The following BCAP29 variants were observed in gnomAD, a reference collection of about 807,000 sequenced individuals.
BCAP29 encodes B cell receptor associated protein 29, also known as B-cell receptor-associated protein 29.
Under a neutral mutation model 31.8 loss-of-function variants are expected in BCAP29, and 34 were observed. That is an observed-to-expected ratio of 1.07 (90% CI 0.81 to 1.42). The LOEUF (loss-of-function observed/expected upper bound fraction) is 1.42. BCAP29 is among the 40% of genes most tolerant of loss of function. The pLI, the probability that BCAP29 is intolerant of heterozygous loss-of-function variation, is 0.00. For missense variants in BCAP29, 314 were observed against 269.2 expected, an observed-to-expected ratio of 1.17 and a Z score of -1.16; for synonymous variants, 104 against 91.3, an observed-to-expected ratio of 1.14 and a Z score of -0.79.
chr7:107,587,926 A>G (rs747019102), intron 3 of BCAP29: 1 of 152,164 alleles, frequency 6.6e-6, no homozygotes, highest in Non-Finnish European at 1.5e-5. Context: ...TTAAACTTCA[A>G]ATTGTACAGA....
chr7:107,604,996 A>G (rs1325875132), intron 6 of BCAP29, among the ~76,000 whole-genome samples: 1 of 152,140 alleles, frequency 6.6e-6, no homozygotes, highest in Non-Finnish European at 1.5e-5. Flanking sequence ...ATCTTCACAT[A>G]TTGATGTTAT....
At chr7:107,618,262 C>A in intron 7 of BCAP29, 66 bp from the exon 8 acceptor site, 2 of 1,184,322 alleles carry the variant, frequency 1.7e-6, no homozygotes, top group Non-Finnish European at 1.2e-6. Flanking sequence ...TTTTAAAAGT[C>A]CTTGTCATGT....
At chr7:107,606,489 GA>G (rs1396819529) in intron 6 of BCAP29, among the ~76,000 whole-genome samples, 5 of 152,138 alleles carry the variant, frequency 3.3e-5, no homozygotes, top group African/African-American at 1.2e-4. Context: ...CACTTTTGAA[GA>G]ATGTTTCATG....
chr7:107,606,474 T>C (rs1367020408), intron 6 of BCAP29, among the ~76,000 whole-genome samples: 4 of 152,218 alleles, frequency 2.6e-5, no homozygotes, highest in African/African-American at 9.6e-5. Context: ...TTAAGCCACA[T>C]TCTTCACTTT....
chr7:107,600,913 T>A (rs1440360197), intron 6 of BCAP29, among the ~76,000 whole-genome samples: 1 of 152,220 alleles, frequency 6.6e-6, no homozygotes, highest in East Asian at 1.9e-4. Context: ...ACTAATATAT[T>A]CTACCTGTTA....
chr7:107,591,065 T>C (rs1052484902), intron 3 of BCAP29, among the ~76,000 whole-genome samples: 3 of 152,104 alleles, frequency 2.0e-5, no homozygotes, highest in Admixed American at 2.0e-4. Context: ...ATAAACTTTA[T>C]AAAAGAGGCA....
At chr7:107,603,604 AT>A (rs34689734) in intron 6 of BCAP29, 33,410 of 108,388 alleles carry the variant, frequency 0.31, 3,580 homozygotes, top group South Asian at 0.5. Context: ...TTCATCAGCA[AT>A]TTTTTTTTTT....
intron 1 of BCAP29, 123 bp from the exon 2 acceptor site, chr7:107,580,636 G>T: frequency 1.5e-6 from 1 of 653,934 alleles, no homozygotes. Context: ...GTCCGTGCTT[G>T]CCTTCCCAGG....
At chr7:107,584,267 C>G (rs1211306909) in intron 3 of BCAP29, among the ~76,000 whole-genome samples, 1 of 152,170 alleles carries the variant, frequency 6.6e-6, no homozygotes, top group Admixed American at 6.5e-5. Flanking sequence ...AGTTACCAGA[C>G]TTTATTTTTC....
chr7:107,613,213 C>A, intron 6 of BCAP29, 119 bp from the exon 7 acceptor site: 1 of 646,990 alleles, frequency 1.5e-6, no homozygotes, highest in East Asian at 2.8e-5. Context: ...AAATGTAGCA[C>A]AATGTTAACA....
At chr7:107,600,256 A>C in intron 5 of BCAP29, 141 bp from the exon 6 acceptor site, 2 of 683,742 alleles carry the variant, frequency 2.9e-6, no homozygotes, top group Non-Finnish European at 5.3e-6. Context: ...AGTACATTGT[A>C]GAAAACTATA....
chr7:107,594,791 C>T lies in BCAP29; in HGVS notation c.344+686C>T, dbSNP rs534677545. ...TGCTGGGATTACAGATGTGAGCCAA[C>T]GCGCCCGGCCTGTAGATTTTTTTAT... On this transcript the variant is annotated intron_variant, in intron 4 of 7. Transcript: ENST00000005259. Among the ~76,000 whole-genome samples the T allele has an allele frequency of 7.9e-5, 12 of 152,280 alleles. No homozygotes were observed. In the East Asian group the frequency reaches 1.3e-3, roughly 17 times the overall value.
chr7:107,612,434 T>TA (rs1563141499), intron 6 of BCAP29, among the ~76,000 whole-genome samples: 2 of 88,688 alleles, frequency 2.3e-5, no homozygotes, highest in African/African-American at 7.4e-5. Flanking sequence ...TATATATATA[T>TA]ATATATTTAT....
At chr7:107,602,787 TC>T (rs1563136286) in intron 6 of BCAP29, among the ~76,000 whole-genome samples, 2 of 151,988 alleles carry the variant, frequency 1.3e-5, no homozygotes, top group Non-Finnish European at 2.9e-5. Flanking sequence ...GTTTTTAACC[TC>T]CAACTCCTAT....
chr7:107,617,732 A>G (rs1304568794), intron 7 of BCAP29, among the ~76,000 whole-genome samples: 2 of 152,234 alleles, frequency 1.3e-5, no homozygotes, highest in Non-Finnish European at 2.9e-5. Context: ...ATTAATGTTC[A>G]GCCTGAACAA....
intron 3 of BCAP29, among the ~76,000 whole-genome samples, chr7:107,593,730 A>T (rs1005361603): frequency 6.6e-5 from 10 of 152,332 alleles, no homozygotes; most frequent in Middle Eastern, 6.8e-3. Flanking sequence ...GAATAATTTT[A>T]AAAATGCTAT....
chr7:107,586,444 C>G (rs1807696369), intron 3 of BCAP29, among the ~76,000 whole-genome samples: 1 of 152,150 alleles, frequency 6.6e-6, no homozygotes, highest in Non-Finnish European at 1.5e-5. Context: ...TCCCAGAGAA[C>G]AAGGACATCA....
chr7:107,583,995 TC>T lies in BCAP29; in HGVS notation c.193+16del. The T allele has an allele frequency of 1.5e-6, 2 of 1,367,378 alleles. No homozygotes were observed. Among genetic ancestry groups the T allele is most frequent in the Non-Finnish European group, 2.0e-6 (2 of 994,702 alleles). 84.7% of individuals were successfully genotyped at this position (1,367,378 alleles called of 1,614,324 possible). On this transcript the variant is annotated intron_variant, in intron 3 of 7. Transcript: ENST00000005259. ...GTTCTATTTCTAGGTAAGTACTAGA[TC>T]CCTTCTTTGAATAAATATAACTTTT... is the stretch of plus-strand genomic sequence containing the variant.
intron 7 of BCAP29, among the ~76,000 whole-genome samples, chr7:107,617,332 A>G (rs1814366615): frequency 6.6e-6 from 1 of 152,192 alleles, no homozygotes; most frequent in Non-Finnish European, 1.5e-5. Context: ...CTTTACTGTA[A>G]ATAGATCCCA....
Sources: gnomAD v4.1 joint callset for allele counts (sites outside exome capture counted in the v4.1 genomes callset) on GRCh38, gnomAD v4.1.1 for gene constraint, MANE v1.5 for transcripts, NCBI Gene and HGNC (gene_info 2026-07-23, HGNC 2026-07-21) for gene names.